Variants in PARD3 observed in about 807,000 individuals in gnomAD.
PARD3 encodes the protein partitioning defective 3 homolog.
PARD3 carries 75 observed loss-of-function variants against 155.4 expected under a neutral mutation model. The observed-to-expected ratio is 0.48, with a 90% CI of 0.40 to 0.58. The LOEUF (loss-of-function observed/expected upper bound fraction) is 0.58. Among genes scored for constraint, PARD3 ranks in the 20% least tolerant of loss-of-function variants. The pLI is 0.00. For synonymous variants in PARD3, 576 were observed against 610.5 expected, an observed-to-expected ratio of 0.94 and a Z score of 0.83; for missense variants, 1,642 against 1,721.7, an observed-to-expected ratio of 0.95 and a Z score of 0.82.
chr10:34,784,103 T>G (rs745616910), intron 1 of PARD3, among the ~76,000 whole-genome samples: 1 of 151,894 alleles, frequency 6.6e-6, no homozygotes, highest in Non-Finnish European at 1.5e-5. Context: ...CCCGGCTACT[T>G]GGGAGGCTGA....
At chr10:34,178,111 A>G (rs1384745946) in intron 22 of PARD3, among the ~76,000 whole-genome samples, 1 of 152,246 alleles carries the variant, frequency 6.6e-6, no homozygotes, top group African/African-American at 2.4e-5. Context: ...CCTAATTGGA[A>G]TAACACACTT....
chr10:34,261,763 AGGAAGG>A (rs1954994365), intron 22 of PARD3, among the ~76,000 whole-genome samples: 246 of 76,070 alleles, frequency 3.2e-3, no homozygotes, highest in African/African-American at 0.011. Context: ...GAAGAAAGGA[AGGAAGG>A]AAGAAAGAAA....
chr10:34,251,976 C>T (rs1293361385), intron 22 of PARD3, among the ~76,000 whole-genome samples: 1 of 152,140 alleles, frequency 6.6e-6, no homozygotes, highest in Non-Finnish European at 1.5e-5. Context: ...AGACAACACC[C>T]CCTGCCCCGC....
intron 2 of PARD3, among the ~76,000 whole-genome samples, chr10:34,681,546 G>A (rs894894765): frequency 6.6e-6 from 1 of 150,726 alleles, no homozygotes; most frequent in Non-Finnish European, 1.5e-5. Context: ...AGAAAAAAAG[G>A]ATACAAAACT....
chr10:34,691,447 T>A (rs12243445), intron 2 of PARD3, among the ~76,000 whole-genome samples: 2 of 152,084 alleles, frequency 1.3e-5, no homozygotes, highest in African/African-American at 4.8e-5. Flanking sequence ...CCAGATATGA[T>A]ATAAACAAAT....
intron 7 of PARD3, among the ~76,000 whole-genome samples, chr10:34,387,112 C>A (rs1842429849): frequency 6.6e-6 from 1 of 152,164 alleles, no homozygotes; most frequent in Admixed American, 6.5e-5. Flanking sequence ...ATATGCCCTA[C>A]CAAGACTCAC....
chr10:34,713,570 G>A (rs2094476512), intron 1 of PARD3, among the ~76,000 whole-genome samples: 1 of 151,938 alleles, frequency 6.6e-6, no homozygotes, highest in South Asian at 2.1e-4. Flanking sequence ...AACCAGCCTG[G>A]GCAACACAGC....
At chr10:34,326,437 A>G (rs988205596) in intron 19 of PARD3, among the ~76,000 whole-genome samples, 2 of 152,202 alleles carry the variant, frequency 1.3e-5, no homozygotes, top group Admixed American at 6.5e-5. Context: ...CCAATTATCC[A>G]CTAAAATGGA....
intron 2 of PARD3, among the ~76,000 whole-genome samples, chr10:34,564,179 T>C (rs2085736944): frequency 6.6e-6 from 1 of 152,322 alleles, no homozygotes; most frequent in South Asian, 2.1e-4. Context: ...AGTAAAAATG[T>C]TACATGTGCA....
At chr10:34,278,222 A>G (rs1316606809) in intron 21 of PARD3, among the ~76,000 whole-genome samples, 4 of 150,868 alleles carry the variant, frequency 2.7e-5, no homozygotes, top group Non-Finnish European at 5.9e-5. Flanking sequence ...AATTAAAAAA[A>G]ATATTTTTAG....
chr10:34,412,373 C>T (rs1384863939), intron 5 of PARD3, among the ~76,000 whole-genome samples: 6 of 152,196 alleles, frequency 3.9e-5, no homozygotes, highest in South Asian at 4.2e-4. Context: ...TTTTAAAAAG[C>T]GATGTACTCT....
intron 12 of PARD3, among the ~76,000 whole-genome samples, chr10:34,369,539 A>G (rs1343233347): frequency 2.6e-5 from 4 of 152,182 alleles, no homozygotes; most frequent in Non-Finnish European, 5.9e-5. Context: ...CCAGTCATAG[A>G]TAGGACTGCA....
rs1836858605 is a variant in PARD3 at position 34,341,816 on chromosome 10, C to T, written c.2219G>A (p.Gly740Asp). Residue 740 changes from glycine to aspartate, a missense_variant and splice_region_variant, in exon 16 of 25, where the codon GGT (glycine) becomes GAT (aspartate). Transcript: ENST00000374788. ...CACTGTAGGGGACAGCTGGTATTTA[C>T]CTGTCCAGTGAAAAAAGAAGAAGAG... is the stretch of plus-strand genomic sequence containing the variant. ...SRNAALSRIM[G>D]KYQLSPTVNM... The T allele has an allele frequency of 1.3e-6, 2 of 1,580,666 alleles. No homozygotes were observed. Among genetic ancestry groups the T allele is most frequent in the Non-Finnish European group, 1.7e-6 (2 of 1,159,286 alleles).
At chr10:34,747,649 A>C (rs1835476587) in intron 1 of PARD3, among the ~76,000 whole-genome samples, 1 of 152,192 alleles carries the variant, frequency 6.6e-6, no homozygotes, top group African/African-American at 2.4e-5. Context: ...TGAGTCTCTG[A>C]GAGCTGGTGT....
intron 22 of PARD3, among the ~76,000 whole-genome samples, chr10:34,250,338 A>G (rs1954230731): frequency 6.6e-6 from 1 of 152,244 alleles, no homozygotes; most frequent in Non-Finnish European, 1.5e-5. Flanking sequence ...GTCTGCAGTC[A>G]TAATGAATCA....
intron 2 of PARD3, among the ~76,000 whole-genome samples, chr10:34,584,386 T>C (rs1445269559): frequency 2.6e-5 from 4 of 152,264 alleles, no homozygotes; most frequent in African/African-American, 7.2e-5. Flanking sequence ...ACTTTGGCCA[T>C]GGATTCTCTG....
intron 1 of PARD3, among the ~76,000 whole-genome samples, chr10:34,773,949 T>G (rs781122771): frequency 2.0e-5 from 3 of 152,210 alleles, no homozygotes; most frequent in Non-Finnish European, 4.4e-5. Context: ...ACATTATCAC[T>G]ACCCCCAAGG....
At chr10:34,808,360 CA>C (rs72099005) in intron 1 of PARD3, among the ~76,000 whole-genome samples, 53,508 of 151,120 alleles carry the variant, frequency 0.35, 10,584 homozygotes, top group African/African-American at 0.55. Flanking sequence ...GACTAAAAGA[CA>C]AAAAAAAATC....
At chr10:34,379,756 T>C (rs993737652) in intron 9 of PARD3, among the ~76,000 whole-genome samples, 1 of 152,050 alleles carries the variant, frequency 6.6e-6, no homozygotes, top group Non-Finnish European at 1.5e-5. Context: ...TTACTGACCT[T>C]CTCCTCTGAC....
Sources: gnomAD v4.1 joint callset for allele counts (sites outside exome capture counted in the v4.1 genomes callset) on GRCh38, gnomAD v4.1.1 for gene constraint, MANE v1.5 for transcripts, NCBI Gene and HGNC (gene_info 2026-07-23, HGNC 2026-07-21) for gene names.